Variants in PARD3B observed in about 807,000 individuals in gnomAD.
The protein encoded by PARD3B is par-3 family cell polarity regulator beta, also known as partitioning defective 3 homolog B.
A neutral mutation model predicts 130.2 loss-of-function variants in PARD3B; 103 were observed. That is an observed-to-expected ratio of 0.79 (90% CI 0.67 to 0.93). PARD3B has a LOEUF of 0.93. Ranked by LOEUF, PARD3B falls within the 40% of genes least tolerant of loss-of-function variation. The pLI is 0.00. For missense variants in PARD3B, 1,609 were observed against 1,499.2 expected (o/e 1.07, Z -1.21); for synonymous variants, 583 against 553.2 (o/e 1.05, Z -0.76).
chr2:204,866,279 G>C (rs1038870449), intron 2 of PARD3B, among the ~76,000 whole-genome samples: 1 of 152,088 alleles, frequency 6.6e-6, no homozygotes, highest in East Asian at 1.9e-4. Context: ...CAATAACTCT[G>C]GGACTTTTTG....
chr2:205,436,171 TGGCTTAGTCACTTCCCAAAA>T (rs1458198464), intron 19 of PARD3B, among the ~76,000 whole-genome samples: 3 of 152,190 alleles, frequency 2.0e-5, no homozygotes, highest in African/African-American at 7.2e-5. Context: ...CTTTTCACGA[TGGCTTAGTCACTTCCCAAAA>T]GGCTTAGTCA....
At chr2:204,814,748 G>A (rs1367850213) in intron 2 of PARD3B, among the ~76,000 whole-genome samples, 1 of 151,638 alleles carries the variant, frequency 6.6e-6, no homozygotes, top group Admixed American at 6.6e-5. Context: ...GTATGCTGAG[G>A]GTTGTTCTCT....
At chr2:204,725,791 C>T (rs1158489572) in intron 2 of PARD3B, among the ~76,000 whole-genome samples, 1 of 152,246 alleles carries the variant, frequency 6.6e-6, no homozygotes, top group East Asian at 1.9e-4. Flanking sequence ...AAAGCAATGC[C>T]CCTGAGGCCA....
intron 13 of PARD3B, among the ~76,000 whole-genome samples, chr2:205,178,223 G>C (rs563222287): frequency 2.1e-5 from 3 of 144,292 alleles, no homozygotes; most frequent in Admixed American, 2.0e-4. Context: ...AGCTACTATG[G>C]GGGGGGAAAA....
In PARD3B at chr2:204,959,463, G is replaced by T. The variant is rs552792072; in HGVS notation, c.223-5689G>T. On this transcript the variant is annotated intron_variant, in intron 2 of 22. Coordinates refer to ENST00000406610, the MANE Select transcript of PARD3B (RefSeq NM_001302769.2). Reference sequence around the variant, plus strand: ...TGCATCTTCATGTGTCTTTATAGTAGAATGATTTATATTCCTTTGGGTATG... The same window carrying T: ...TGCATCTTCATGTGTCTTTATAGTATAATGATTTATATTCCTTTGGGTATG... Among the ~76,000 whole-genome samples, 3 of 152,234 alleles carry T rather than the reference G, an allele frequency of 2.0e-5. No homozygotes were observed. In the South Asian group the frequency reaches 6.2e-4, roughly 32 times the overall value.
chr2:204,552,502 A>G (rs548377324), intron 1 of PARD3B, among the ~76,000 whole-genome samples: 43 of 152,340 alleles, frequency 2.8e-4, no homozygotes, highest in Non-Finnish European at 4.9e-4. Flanking sequence ...CTTCAGTTCA[A>G]TTAAGTCCCA....
intron 13 of PARD3B, among the ~76,000 whole-genome samples, chr2:205,184,983 C>G (rs2036012086): frequency 6.6e-6 from 1 of 151,966 alleles, no homozygotes. Context: ...TTTTCATACA[C>G]TAGGGAATAT....
intron 2 of PARD3B, among the ~76,000 whole-genome samples, chr2:204,766,538 T>C (rs895490235): frequency 3.9e-5 from 6 of 152,116 alleles, no homozygotes; most frequent in Non-Finnish European, 7.4e-5. Context: ...ACTCTTAATG[T>C]ACTATTGCTA....
chr2:205,099,714 G>A (rs1240783495), intron 4 of PARD3B, among the ~76,000 whole-genome samples: 2 of 152,122 alleles, frequency 1.3e-5, no homozygotes, highest in African/African-American at 2.4e-5. Context: ...CTTATAGGAT[G>A]CCCTAAGCAT....
At chr2:204,878,798 ACTT>A (rs2045937024) in intron 2 of PARD3B, among the ~76,000 whole-genome samples, 1 of 152,204 alleles carries the variant, frequency 6.6e-6, no homozygotes, top group East Asian at 1.9e-4. Flanking sequence ...TAAGAGCAGA[ACTT>A]TTTATTGTTA....
At position 205,610,414 on chromosome 2, in the gene PARD3B, C is replaced by T. The variant is rs78599922; in HGVS notation, c.3261-5042C>T. On this transcript the variant is annotated intron_variant, in intron 22 of 22. Transcript: ENST00000406610. The stretch of plus-strand genomic sequence containing the variant: ...TAGATTATTGCATTTATGACAGAGA[C>T]AAAGAAAATTTCTTTGCTGTACCAT... Among the ~76,000 whole-genome samples the T allele has an allele frequency of 5.8e-3, 889 of 152,206 alleles. 5 individuals are homozygous for T. The highest frequency in any genetic ancestry group is 9.2e-3 in the Non-Finnish European group (624 of 67,992).
chr2:205,582,727 G>A (rs75803680), intron 22 of PARD3B, among the ~76,000 whole-genome samples: 1 of 151,390 alleles, frequency 6.6e-6, no homozygotes, highest in Non-Finnish European at 1.5e-5. Flanking sequence ...AAAGGAGATT[G>A]GGAGCTAGTA....
At chr2:204,834,290 G>C (rs996934985) in intron 2 of PARD3B, among the ~76,000 whole-genome samples, 29 of 152,110 alleles carry the variant, frequency 1.9e-4, no homozygotes, top group African/African-American at 7.0e-4. Flanking sequence ...TGTACACATA[G>C]TGCCCAGCAC....
At chr2:205,479,293 T>A (rs1256487293) in intron 20 of PARD3B, among the ~76,000 whole-genome samples, 1 of 152,172 alleles carries the variant, frequency 6.6e-6, no homozygotes, top group African/African-American at 2.4e-5. Context: ...GCACACTTTC[T>A]TATTATCACC....
intron 20 of PARD3B, among the ~76,000 whole-genome samples, chr2:205,487,218 G>T (rs1044324803): frequency 5.3e-5 from 8 of 152,110 alleles, no homozygotes; most frequent in South Asian, 2.1e-4. Context: ...AACACCGAGG[G>T]TCGAGCTCCT....
intron 3 of PARD3B, among the ~76,000 whole-genome samples, chr2:204,979,978 AT>A (rs769115448): frequency 5.9e-5 from 9 of 152,184 alleles, no homozygotes; most frequent in Non-Finnish European, 1.3e-4. Context: ...CATGGGAAAA[AT>A]TTTGATAAAT....
chr2:205,131,115 C>A (rs996359176), intron 10 of PARD3B, among the ~76,000 whole-genome samples: 3 of 152,154 alleles, frequency 2.0e-5, no homozygotes, highest in African/African-American at 7.2e-5. Flanking sequence ...TATATTATTT[C>A]ATTCCCTTTG....
At chr2:205,156,183 G>A (rs7576035) in intron 10 of PARD3B, among the ~76,000 whole-genome samples, 22 of 137,360 alleles carry the variant, frequency 1.6e-4, no homozygotes, top group Middle Eastern at 4.6e-3. Flanking sequence ...AACACCACAT[G>A]TTCTCACTCA....
Position 205,146,608 on chromosome 2 carries a change from G to C in PARD3B, c.1435-12114G>C, listed in dbSNP as rs948939009. ...GGAGCTTGCAGTGAGCCGAGATAGC[G>C]CCACTGCACTCCAGCCTGGGCGACA... is the stretch of plus-strand genomic sequence containing the variant. On this transcript the variant is annotated intron_variant, in intron 10 of 22. Transcript: ENST00000406610. The surrounding 1 kb of genome is among the most constrained non-coding windows in gnomAD (Gnocchi z 4.3). Among the ~76,000 whole-genome samples the C allele has an allele frequency of 3.2e-4, 48 of 151,780 alleles. No individual in the cohort carries two copies. The highest frequency in any genetic ancestry group is 1.1e-3 in the African/African-American group (46 of 41,404).
Sources: allele counts gnomAD v4.1 joint callset (sites outside exome capture counted in the v4.1 genomes callset), GRCh38; gene constraint gnomAD v4.1.1; non-coding constraint Gnocchi (gnomAD v3.1); transcripts MANE v1.5; gene names NCBI Gene and HGNC (gene_info 2026-07-23, HGNC 2026-07-21).